Variants in PRR5L observed in about 807,000 individuals in gnomAD.
PRR5L encodes the protein proline-rich protein 5-like.
A neutral mutation model predicts 36.4 loss-of-function variants in PRR5L; 21 were observed. That is an observed-to-expected ratio of 0.58 (90% CI 0.41 to 0.83). PRR5L has a LOEUF of 0.83. Ranked by LOEUF, PRR5L falls within the 40% of genes least tolerant of loss-of-function variation. The pLI is 0.00. For missense variants in PRR5L, 381 were observed against 473.3 expected (o/e 0.80, Z 1.81); for synonymous variants, 188 against 197.0 (o/e 0.95, Z 0.38).
At chr11:36,403,774 C>A in intron 3 of PRR5L, among the ~76,000 whole-genome samples, 1 of 152,178 alleles carries the variant, frequency 6.6e-6, no homozygotes, top group East Asian at 1.9e-4. Flanking sequence ...GACTTACCAG[C>A]AAACATTTGA....
chr11:36,313,211 C>G (rs1041498461), intron 1 of PRR5L, among the ~76,000 whole-genome samples: 10 of 152,230 alleles, frequency 6.6e-5, no homozygotes, highest in African/African-American at 2.4e-4. Flanking sequence ...AGTCTTCTGT[C>G]TCACAGAAAG....
chr11:36,309,452 A>G (rs1197870577), intron 1 of PRR5L, among the ~76,000 whole-genome samples: 3 of 152,368 alleles, frequency 2.0e-5, no homozygotes, highest in South Asian at 4.1e-4. Flanking sequence ...CTGCAAGTTA[A>G]TGGTAGTTTT....
intron 1 of PRR5L, among the ~76,000 whole-genome samples, chr11:36,395,147 G>T (rs1031633022): frequency 6.6e-6 from 1 of 152,196 alleles, no homozygotes; most frequent in Non-Finnish European, 1.5e-5. Context: ...AAGACCCACA[G>T]ATTCGCTCAT....
At chr11:36,336,012 T>C (rs1590453380) in intron 1 of PRR5L, among the ~76,000 whole-genome samples, 1 of 152,010 alleles carries the variant, frequency 6.6e-6, no homozygotes, top group Non-Finnish European at 1.5e-5. Flanking sequence ...AGGCAGAACA[T>C]GAGAGGGAAT....
chr11:36,439,451 C>T (rs761349969), intron 6 of PRR5L, among the ~76,000 whole-genome samples: 1 of 152,128 alleles, frequency 6.6e-6, no homozygotes, highest in Non-Finnish European at 1.5e-5. Context: ...ATTAATATTG[C>T]CCCTGTTCAC....
chr11:36,362,717 TTC>T (rs1322823177), intron 1 of PRR5L, among the ~76,000 whole-genome samples: 2 of 152,220 alleles, frequency 1.3e-5, no homozygotes, highest in African/African-American at 4.8e-5. Flanking sequence ...GTCTTATGGA[TTC>T]TCTGTTATAG....
intron 1 of PRR5L, among the ~76,000 whole-genome samples, chr11:36,313,946 C>T (rs902040981): frequency 6.6e-6 from 1 of 152,158 alleles, no homozygotes; most frequent in Non-Finnish European, 1.5e-5. Flanking sequence ...GAATTCAAGT[C>T]CCAGCAGTGC....
chr11:36,317,117 T>C (rs1044091665), intron 1 of PRR5L, among the ~76,000 whole-genome samples: 4 of 152,314 alleles, frequency 2.6e-5, no homozygotes, highest in African/African-American at 9.6e-5. Flanking sequence ...GCATCTGGGT[T>C]GATGAATGAA....
intron 1 of PRR5L, among the ~76,000 whole-genome samples, chr11:36,397,991 C>G (rs1430719130): frequency 6.6e-6 from 1 of 151,126 alleles, no homozygotes; most frequent in Admixed American, 6.6e-5. Flanking sequence ...GATGGGGTTT[C>G]TCCATGTTGG....
At chr11:36,340,300 G>A (rs1347389620) in intron 1 of PRR5L, among the ~76,000 whole-genome samples, 3 of 152,176 alleles carry the variant, frequency 2.0e-5, no homozygotes, top group Admixed American at 1.3e-4. Flanking sequence ...GGGTCTGTAT[G>A]CCCATGGGCT....
At chr11:36,413,546 C>T (rs1357090021) in intron 3 of PRR5L, among the ~76,000 whole-genome samples, 2 of 151,934 alleles carry the variant, frequency 1.3e-5, no homozygotes, top group Non-Finnish European at 2.9e-5. Context: ...CCCCTGTATC[C>T]CAGAAACCAG....
At chr11:36,378,263 C>T (rs1289890017) in intron 1 of PRR5L, among the ~76,000 whole-genome samples, 14 of 152,156 alleles carry the variant, frequency 9.2e-5, no homozygotes. Context: ...TGGTAAGGTT[C>T]CCAGTATGAC....
chr11:36,384,055 AC>A (rs141716723), intron 1 of PRR5L, among the ~76,000 whole-genome samples: 287 of 152,114 alleles, frequency 1.9e-3, no homozygotes, highest in Non-Finnish European at 3.1e-3. Flanking sequence ...AGTAGTAGGT[AC>A]TCCCTAGATA....
rs1186734172 is a variant in PRR5L, at chr11:36,377,139, G to A, written c.-125-23858G>A. Among the ~76,000 whole-genome samples, 1 of 152,228 alleles carries A rather than the reference G, an allele frequency of 6.6e-6. No individual in the cohort carries two copies. The highest frequency in any genetic ancestry group is 6.5e-5 in the Admixed American group (1 of 15,286). On this transcript the variant is annotated intron_variant, in intron 1 of 8. Transcript: ENST00000530639. This position sits in a 1 kb window ranked among gnomAD's most constrained non-coding sequence, Gnocchi z 5.1. ...GAGCTGACCCCGCTTAAGCACGGGA[G>A]ATTTCGCGCCTGCAGCAGCCTTTTC...
At chr11:36,387,947 A>AG (rs397848252) in intron 1 of PRR5L, among the ~76,000 whole-genome samples, 2 of 151,362 alleles carry the variant, frequency 1.3e-5, no homozygotes, top group South Asian at 4.2e-4. Context: ...CTTGGGAAAA[A>AG]TCAGATCTGG....
At chr11:36,435,612 A>G (rs557955546) in intron 5 of PRR5L, among the ~76,000 whole-genome samples, 1 of 152,330 alleles carries the variant, frequency 6.6e-6, no homozygotes, top group South Asian at 2.1e-4. Flanking sequence ...AAGAGGGATG[A>G]TTAGAGCCCA....
intron 1 of PRR5L, among the ~76,000 whole-genome samples, chr11:36,350,741 T>C (rs1056497364): frequency 3.3e-5 from 5 of 150,790 alleles, no homozygotes; most frequent in African/African-American, 1.2e-4. Flanking sequence ...TTCTTATGCC[T>C]TTGCATCCTT....
chr11:36,381,435 G>T lies in PRR5L; in HGVS notation c.-125-19562G>T, dbSNP rs182289690. Among the ~76,000 whole-genome samples, 233 of 151,542 alleles carry T rather than the reference G, an allele frequency of 1.5e-3. 1 individual carries two copies. The highest frequency in any genetic ancestry group is 5.1e-3 in the African/African-American group (211 of 41,260). On this transcript the variant is annotated intron_variant, in intron 1 of 8. Coordinates refer to ENST00000530639, the MANE Select transcript of PRR5L (RefSeq NM_001160167.2). The stretch of plus-strand genomic sequence containing the variant: ...TGTTTTTATCTTTTTCCCAAGGACA[G>T]GGGGCAGGGTAGGGGTGGGTGGGGA...
intron 6 of PRR5L, among the ~76,000 whole-genome samples, chr11:36,439,050 C>T (rs1456365991): frequency 6.6e-6 from 1 of 152,028 alleles, no homozygotes; most frequent in East Asian, 1.9e-4. Flanking sequence ...ACTGGGCATC[C>T]CGTGTTTTAT....
Sources: gnomAD v4.1 joint callset for allele counts (sites outside exome capture counted in the v4.1 genomes callset) on GRCh38, gnomAD v4.1.1 for gene constraint, Gnocchi (gnomAD v3.1) non-coding constraint, MANE v1.5 for transcripts, NCBI Gene and HGNC (gene_info 2026-07-23, HGNC 2026-07-21) for gene names.